Variants in TFEC observed in about 807,000 individuals in gnomAD.
TFEC encodes class E basic helix-loop-helix protein 34.
In TFEC, 31 loss-of-function variants were observed where a neutral mutation model predicts 41.6. That is an observed-to-expected ratio of 0.74 (90% CI 0.56 to 1.01). The LOEUF (loss-of-function observed/expected upper bound fraction) is 1.01. TFEC is among the 50% of genes least tolerant of loss of function. The pLI, the probability that TFEC is intolerant of heterozygous loss-of-function variation, is 0.00. For synonymous variants in TFEC, 143 were observed against 140.6 expected, an observed-to-expected ratio of 1.02 and a Z score of -0.12; for missense variants, 402 against 404.1, an observed-to-expected ratio of 0.99 and a Z score of 0.04.
intron 1 of TFEC, among the ~76,000 whole-genome samples, chr7:116,024,289 T>A (rs1245964898): frequency 6.6e-6 from 1 of 152,142 alleles, no homozygotes; most frequent in Non-Finnish European, 1.5e-5. Context: ...CTTTCTCTCC[T>A]ATGGAGAGGC....
intron 1 of TFEC, among the ~76,000 whole-genome samples, chr7:116,147,894 AT>A (rs1302075831): frequency 6.6e-6 from 1 of 152,188 alleles, no homozygotes; most frequent in Non-Finnish European, 1.5e-5. Flanking sequence ...TAGACAAAAA[AT>A]ATTCCTGCTC....
intron 1 of TFEC, among the ~76,000 whole-genome samples, chr7:116,009,626 CTT>C (rs1361651641): frequency 6.6e-6 from 1 of 151,934 alleles, no homozygotes; most frequent in Non-Finnish European, 1.5e-5. Flanking sequence ...GTGGCAAACC[CTT>C]GAAGGTAAAA....
chr7:116,028,095 T>C (rs1019783342), intron 1 of TFEC, among the ~76,000 whole-genome samples: 15 of 152,174 alleles, frequency 9.9e-5, no homozygotes, highest in Non-Finnish European at 2.1e-4. Context: ...ATCTTACTAT[T>C]TCACTTTTTC....
intron 1 of TFEC, among the ~76,000 whole-genome samples, chr7:116,001,513 C>A (rs575765008): frequency 4.7e-5 from 7 of 150,016 alleles, no homozygotes; most frequent in African/African-American, 1.7e-4. Flanking sequence ...AAAAAAACAA[C>A]CAACAAACAA....
intron 3 of TFEC, among the ~76,000 whole-genome samples, chr7:116,095,913 C>T (rs370593217): frequency 1.6e-3 from 247 of 152,154 alleles, no homozygotes; most frequent in African/African-American, 5.7e-3. Context: ...GCTTATTATC[C>T]TTCTTTGTCT....
At chr7:116,072,747 C>G (rs1470186299) in intron 3 of TFEC, among the ~76,000 whole-genome samples, 3 of 151,530 alleles carry the variant, frequency 2.0e-5, no homozygotes, top group Non-Finnish European at 4.4e-5. Flanking sequence ...GAGAAAGCAT[C>G]TGACAAAATA....
intron 3 of TFEC, among the ~76,000 whole-genome samples, chr7:116,064,896 C>T (rs760011172): frequency 3.3e-5 from 5 of 152,152 alleles, no homozygotes; most frequent in Non-Finnish European, 5.9e-5. Context: ...CTGAGAGATT[C>T]GCTGTTAGAT....
chr7:116,009,713 A>G lies in TFEC; in HGVS notation c.-73+20920T>C, dbSNP rs140732105. On this transcript the variant is annotated intron_variant, in intron 1 of 7. Transcript: ENST00000265440. The stretch of plus-strand genomic sequence containing the variant: ...AAGTGAAAGTCAGTTCTTGCTAGTA[A>G]ATTCACTGATTGATTCATTTAACAA... Among the ~76,000 whole-genome samples the G allele has an allele frequency of 3.0e-4, 45 of 152,258 alleles. No individual in the cohort carries two copies. The East Asian group carries it at 8.3e-3, about 28-fold the overall frequency.
rs1323289672 is a variant in TFEC, at chr7:115,940,487, A to G, written c.*64T>C. 1.3e-6 allele frequency: 2 copies of G among 1,501,786 alleles called. No individual in the cohort carries two copies. Among genetic ancestry groups the G allele is most frequent in the Non-Finnish European group, 1.8e-6 (2 of 1,119,932 alleles). The allele number at this position is 1,501,786 out of a possible 1,614,324, so 93.0% of individuals were successfully genotyped here. On this transcript the variant is annotated 3_prime_UTR_variant, in exon 8 of 8. Transcript: ENST00000265440. ...AGCCAAAGCAACATATGAAACACAG[A>G]GCATAATTGCATAGCACCAGCATAG...
intron 3 of TFEC, among the ~76,000 whole-genome samples, chr7:116,062,560 C>CAGAT: frequency 9.8e-6 from 1 of 101,684 alleles, no homozygotes; most frequent in Non-Finnish European, 2.0e-5. Flanking sequence ...GAGTAGTACT[C>CAGAT]ATATATATAT....
At chr7:116,148,190 C>T (rs1295711819) in intron 1 of TFEC, among the ~76,000 whole-genome samples, 1 of 152,062 alleles carries the variant, frequency 6.6e-6, no homozygotes, top group Non-Finnish European at 1.5e-5. Context: ...AAACAGGAGG[C>T]CAATGTGGAT....
chr7:116,058,145 C>A (rs1796472053), intron 3 of TFEC, among the ~76,000 whole-genome samples: 2 of 151,708 alleles, frequency 1.3e-5, no homozygotes, highest in South Asian at 4.1e-4. Context: ...AAGAAATTCA[C>A]TTTAAGCATA....
chr7:116,085,625 T>C (rs1350913832), intron 3 of TFEC, among the ~76,000 whole-genome samples: 1 of 151,888 alleles, frequency 6.6e-6, no homozygotes, highest in Non-Finnish European at 1.5e-5. Flanking sequence ...TATAAAATTA[T>C]TGAATAAGAT....
chr7:115,960,458 C>T (rs927477419), intron 3 of TFEC, among the ~76,000 whole-genome samples: 7 of 151,482 alleles, frequency 4.6e-5, no homozygotes, highest in African/African-American at 7.3e-5. Flanking sequence ...TAAAATTGAT[C>T]GAATATCTTG....
intron 1 of TFEC, among the ~76,000 whole-genome samples, chr7:116,150,211 G>C (rs1175649277): frequency 6.6e-6 from 1 of 151,980 alleles, no homozygotes; most frequent in Non-Finnish European, 1.5e-5. Context: ...TACTAGTCTT[G>C]TATTTCTTAC....
rs1017622882 is a variant in TFEC, at chr7:115,974,275, T to A, written c.181-19A>T. The A allele has an allele frequency of 5.2e-6, 8 of 1,549,780 alleles. No individual in the cohort carries two copies. The highest frequency in any genetic ancestry group is 7.0e-6 in the Non-Finnish European group (8 of 1,149,114). ...CCTCCATCTAGCAAAATATAATACA[T>A]TTAGAATATTGTACATAATGATAAA... is the stretch of plus-strand genomic sequence containing the variant. On this transcript the variant is annotated intron_variant, in intron 2 of 7. Transcript: ENST00000265440.
At chr7:116,127,698 A>G (rs1664928107) in intron 1 of TFEC, among the ~76,000 whole-genome samples, 1 of 151,662 alleles carries the variant, frequency 6.6e-6, no homozygotes, top group Admixed American at 6.6e-5. Context: ...TGTCAAAAAA[A>G]AAAAAAAAAA....
chr7:115,968,187 G>A (rs1182922213), intron 3 of TFEC: 2 of 1,526,466 alleles, frequency 1.3e-6, no homozygotes, highest in Non-Finnish European at 1.8e-6. Context: ...TTGCTCACCA[G>A]TTTTAACTTT....
chr7:115,980,377 G>T (rs767069503), intron 2 of TFEC, among the ~76,000 whole-genome samples: 1 of 152,134 alleles, frequency 6.6e-6, no homozygotes, highest in Non-Finnish European at 1.5e-5. Flanking sequence ...GATCTATGTT[G>T]ACATCACAGA....
Sources: gnomAD v4.1 joint callset for allele counts (sites outside exome capture counted in the v4.1 genomes callset) on GRCh38, gnomAD v4.1.1 for gene constraint, MANE v1.5 for transcripts, NCBI Gene and HGNC (gene_info 2026-07-23, HGNC 2026-07-21) for gene names.